The following PSMG2 variants were observed in gnomAD, a reference collection of about 807,000 sequenced individuals.
The protein encoded by PSMG2 is proteasome assembly chaperone 2, also known as CD40 ligand-activated specific transcript 3.
PSMG2 carries 21 observed loss-of-function variants against 31.5 expected under a neutral mutation model. The observed-to-expected ratio is 0.67, with a 90% CI of 0.47 to 0.96. The LOEUF is 0.96. Ranked by LOEUF, PSMG2 falls within the 40% of genes least tolerant of loss-of-function variation. PSMG2 has a pLI of 0.00. For missense variants in PSMG2, 318 were observed against 321.2 expected (o/e 0.99, Z 0.08); for synonymous variants, 120 against 110.4 (o/e 1.09, Z -0.54).
At position 12,717,529 on chromosome 18, in the gene PSMG2, A is replaced by G. The variant is rs187400394; in HGVS notation, c.289-988A>G. Among the ~76,000 whole-genome samples, 381 of 152,316 alleles carry G rather than the reference A, an allele frequency of 2.5e-3. 3 individuals are homozygous for G. Among genetic ancestry groups the G allele is most frequent in the African/African-American group, 8.8e-3 (366 of 41,570 alleles). On this transcript the variant is annotated intron_variant, in intron 3 of 6. Coordinates refer to ENST00000317615, the MANE Select transcript of PSMG2 (RefSeq NM_020232.5). ...GTAGGCTAGCAATGGTCACCCCTAC[A>G]TACTTCCGCACACATCTTTCAAGAA... is the stretch of plus-strand genomic sequence containing the variant.
At chr18:12,718,683 G>A (rs771142235) in intron 4 of PSMG2, 48 bp downstream of exon 4, 4 of 1,326,500 alleles carry the variant, frequency 3.0e-6, no homozygotes, top group Non-Finnish European at 4.1e-6. Flanking sequence ...TTTATACTAT[G>A]ATAATTTCTC....
intron 6 of PSMG2, 136 bp downstream of exon 6, chr18:12,724,755 T>C: frequency 9.8e-7 from 1 of 1,020,712 alleles, no homozygotes; most frequent in Non-Finnish European, 1.3e-6. Context: ...AAATTTAGTT[T>C]AAGCTGAACT....
At chr18:12,687,523 G>A (rs558122667) in intron 1 of PSMG2, among the ~76,000 whole-genome samples, 16 of 148,698 alleles carry the variant, frequency 1.1e-4, no homozygotes, top group African/African-American at 2.5e-4. Context: ...GTGTGATTTC[G>A]GCTCGCTGCA....
intron 1 of PSMG2, chr18:12,686,149 TAC>T (rs2039533312): frequency 2.7e-6 from 2 of 748,654 alleles, no homozygotes; most frequent in African/African-American, 3.6e-5. Context: ...AACCTGTGGG[TAC>T]AGAGGGTTGA....
chr18:12,679,313 A>G (rs1379809963), intron 1 of PSMG2: 1 of 152,234 alleles, frequency 6.6e-6, no homozygotes, highest in Non-Finnish European at 1.5e-5. Context: ...GAGAAGCCAC[A>G]GAAGTTCGAG....
At chr18:12,702,809 T>C (rs985790394), upstream of PSMG2, 1 of 559,648 alleles carries the variant, frequency 1.8e-6, no homozygotes, top group African/African-American at 2.0e-5. Flanking sequence ...TGCCTGATCG[T>C]TTCCGCCCGC....
intron 1 of PSMG2, chr18:12,691,433 C>T: frequency 6.2e-7 from 1 of 1,609,314 alleles, no homozygotes; most frequent in Non-Finnish European, 8.5e-7. Context: ...CACTGCTTAG[C>T]ATATACAAGA....
upstream of PSMG2, chr18:12,699,111 C>T (rs1473858912): frequency 6.2e-7 from 1 of 1,613,940 alleles, no homozygotes; most frequent in Non-Finnish European, 8.5e-7. Flanking sequence ...CAAACTTGTC[C>T]AGGTAAAGGC....
At chr18:12,712,789 T>A (rs1335324966) in intron 3 of PSMG2, 29 bp downstream of exon 3, 7 of 1,530,542 alleles carry the variant, frequency 4.6e-6, no homozygotes, top group Non-Finnish European at 6.3e-6. Context: ...GCCTTTTTGT[T>A]TATTAAAGTG....
chr18:12,703,960 A>G (rs746515708), intron 1 of PSMG2, among the ~76,000 whole-genome samples: 1 of 152,206 alleles, frequency 6.6e-6, no homozygotes, highest in East Asian at 1.9e-4. Flanking sequence ...AATAGGCTGT[A>G]GGCCCTGTGA....
intron 1 of PSMG2, among the ~76,000 whole-genome samples, chr18:12,672,010 G>C (rs1353693019): frequency 6.6e-6 from 1 of 151,604 alleles, no homozygotes; most frequent in African/African-American, 2.4e-5. Flanking sequence ...AGTAGAGACA[G>C]GGTTTCACTG....
intron 1 of PSMG2, among the ~76,000 whole-genome samples, chr18:12,672,274 C>G (rs750615972): frequency 3.9e-5 from 6 of 151,920 alleles, no homozygotes; most frequent in Non-Finnish European, 7.4e-5. Flanking sequence ...GCCACCGCAC[C>G]CGGCCTAATT....
intron 1 of PSMG2, among the ~76,000 whole-genome samples, chr18:12,687,732 T>C (rs1452712771): frequency 6.6e-6 from 1 of 151,704 alleles, no homozygotes; most frequent in African/African-American, 2.4e-5. Flanking sequence ...GTATTACAGG[T>C]GTGAGCCACT....
upstream of PSMG2, among the ~76,000 whole-genome samples, chr18:12,701,309 T>C (rs1399794843): frequency 6.6e-6 from 1 of 152,176 alleles, no homozygotes; most frequent in Non-Finnish European, 1.5e-5. Flanking sequence ...TCTGGCACCT[T>C]TGTTACCATT....
intron 1 of PSMG2, among the ~76,000 whole-genome samples, chr18:12,694,862 C>T (rs751128607): frequency 1.1e-4 from 16 of 151,922 alleles, no homozygotes; most frequent in Admixed American, 2.0e-4. Context: ...AGGTGCCTGC[C>T]ACCACGCCCG....
Position 12,725,716 on chromosome 18 carries a change from C to A in PSMG2, c.*185C>A. On this transcript the variant is annotated 3_prime_UTR_variant, in exon 7 of 7. Transcript: ENST00000317615. ...ATATGCACCAAATGTAAATTTTGTA[C>A]AATAAAATTTTATTTCCTAAGTAAT... The A allele has an allele frequency of 2.4e-6, 1 of 425,094 alleles. No homozygotes were observed. Among genetic ancestry groups the A allele is most frequent in the Non-Finnish European group, 4.1e-6 (1 of 243,366 alleles). 26.3% of individuals were successfully genotyped at this position (425,094 alleles called of 1,614,324 possible).
At chr18:12,719,157 T>C (rs1373025248) in intron 4 of PSMG2, among the ~76,000 whole-genome samples, 1 of 152,060 alleles carries the variant, frequency 6.6e-6, no homozygotes, top group East Asian at 1.9e-4. Flanking sequence ...GCAGTCTGCC[T>C]GCCTCAGCCT....
At chr18:12,717,131 T>G (rs2040384671) in intron 3 of PSMG2, among the ~76,000 whole-genome samples, 1 of 150,340 alleles carries the variant, frequency 6.7e-6, no homozygotes, top group African/African-American at 2.5e-5. Flanking sequence ...TTTTTTTTTG[T>G]AGTAACAGGG....
chr18:12,670,524 T>C (rs557336319), intron 1 of PSMG2: 2 of 152,146 alleles, frequency 1.3e-5, no homozygotes, highest in Admixed American at 6.6e-5. Flanking sequence ...TCAGCCTCAA[T>C]GTTAATACAG....
Sources: allele counts gnomAD v4.1 joint callset (sites outside exome capture counted in the v4.1 genomes callset), GRCh38; gene constraint gnomAD v4.1.1; transcripts MANE v1.5; gene names NCBI Gene and HGNC (gene_info 2026-07-23, HGNC 2026-07-21).